The following MCM4 variants were observed in gnomAD, a reference collection of about 807,000 sequenced individuals.
MCM4 encodes the protein DNA replication licensing factor MCM4.
A neutral mutation model predicts 88.7 loss-of-function variants in MCM4; 60 were observed. That is an observed-to-expected ratio of 0.68 (90% CI 0.55 to 0.84). MCM4 has a LOEUF of 0.84. MCM4 is among the 40% of genes least tolerant of loss of function. MCM4 has a pLI of 0.00. For synonymous variants in MCM4, 465 were observed against 410.5 expected (o/e 1.13, Z -1.61); for missense variants, 1,149 against 1,105.5 (o/e 1.04, Z -0.56).
At chr8:47,976,434 G>C (rs563023551) in intron 16 of MCM4, among the ~76,000 whole-genome samples, 8 of 152,278 alleles carry the variant, frequency 5.3e-5, no homozygotes, top group African/African-American at 1.7e-4. Context: ...TTTCAGTGCT[G>C]GTCCACTTTC....
intron 14 of MCM4, among the ~76,000 whole-genome samples, 195 bp downstream of exon 14, chr8:47,973,259 C>T (rs2090972017): frequency 6.6e-6 from 1 of 152,130 alleles, no homozygotes; most frequent in Non-Finnish European, 1.5e-5. Flanking sequence ...CAGCCTGTGG[C>T]CTGTGCTTCT....
Position 47,970,074 on chromosome 8 carries a change from A to C in MCM4, c.1434+17A>C. The stretch of plus-strand genomic sequence containing the variant: ...ATAAAGAAGGTAACAGTGGATTTTA[A>C]ACTAGGGGTTGGGATTTACAATTCT... On this transcript the variant is annotated intron_variant, in intron 11 of 16. Transcript: ENST00000649973. 1 of 1,610,548 alleles carries C rather than the reference A, an allele frequency of 6.2e-7. No homozygotes were observed.
chr8:47,966,094 G>A, intron 8 of MCM4, 93 bp from the exon 9 acceptor site: 1 of 1,033,212 alleles, frequency 9.7e-7, no homozygotes, highest in Non-Finnish European at 1.5e-6. Flanking sequence ...CCTAGGCAGA[G>A]TCTTGGGCAC....
At position 47,961,615 on chromosome 8, in the gene MCM4, T is replaced by TGGAC. The variant is rs1589826733; in HGVS notation, c.171_174dup (p.Leu59GlyfsTer26). On this transcript the variant is annotated frameshift_variant, in exon 3 of 17. Transcript: ENST00000649973. LOFTEE classifies it high-confidence loss of function. ...CAGCCGATGCCAACCTCGCCTGGAG[T>TGGAC]GGACCTGCAGAGCCCTGCTGCGCAG... is the stretch of plus-strand genomic sequence containing the variant. 2 of 1,613,950 alleles carry TGGAC rather than the reference T, an allele frequency of 1.2e-6. No individual in the cohort carries two copies. Among genetic ancestry groups the TGGAC allele is most frequent in the Non-Finnish European group, 1.7e-6 (2 of 1,179,972 alleles).
At position 47,962,403 on chromosome 8, in the gene MCM4, T is replaced by C. The variant is rs773308903; in HGVS notation, c.498T>C (p.Phe166=). 4 of 1,614,046 alleles carry C rather than the reference T, an allele frequency of 2.5e-6. No individual in the cohort carries two copies. The highest frequency in any genetic ancestry group is 4.5e-5 in the East Asian group (2 of 44,900). The stretch of plus-strand genomic sequence containing the variant: ...ATGTGGCAGCATGCAAAGAAAACTT[T>C]CAGGTGAGCTACATGTATTAAAATT... ...DVNVAACKEN[F]QRFLQRFIDP... The change falls in exon 5 of 17, where the codon TTT becomes TTC. Residue 166 remains phenylalanine, a synonymous_variant. Coordinates refer to ENST00000649973, the MANE Select transcript of MCM4 (RefSeq NM_182746.3).
chr8:47,973,192 A>C, intron 14 of MCM4, 128 bp downstream of exon 14: 1 of 918,144 alleles, frequency 1.1e-6, no homozygotes, highest in Non-Finnish European at 1.6e-6. Context: ...TTGTTTTGAG[A>C]CAGAGCCTGG....
chr8:47,970,137 G>T, intron 11 of MCM4, 80 bp downstream of exon 11: 1 of 1,483,448 alleles, frequency 6.7e-7, no homozygotes, highest in East Asian at 2.3e-5. Context: ...TCCGCCACTC[G>T]AGCCATCCGC....
In MCM4 at chr8:47,969,822, G is replaced by A. The variant is rs758663521; in HGVS notation, c.1199G>A (p.Arg400Gln). ...GGCATCTATCGAGCTGTGCCTATTC[G>A]AGTCAATCCAAGAGTGAGTAATGTG... Reference protein sequence around the residue: ...VTGIYRAVPIRVNPRVSNVKS... With the variant: ...VTGIYRAVPIQVNPRVSNVKS... Residue 400 changes from arginine to glutamine, a missense_variant, in exon 11 of 17, where the codon CGA (arginine) becomes CAA (glutamine). This residue lies in a region of MCM4 where 906 missense variants were observed against 843.0 expected (regional missense o/e 1.07). Transcript: ENST00000649973. 229 of 1,614,116 alleles carry A rather than the reference G, an allele frequency of 1.4e-4. No individual in the cohort carries two copies. Among genetic ancestry groups the A allele is most frequent in the Non-Finnish European group, 1.8e-4 (210 of 1,180,046 alleles).
Position 47,962,345 on chromosome 8 carries a change from G to A in MCM4, c.440G>A (p.Gly147Asp), listed in dbSNP as rs886062976. 6.2e-7 allele frequency: 1 copy of A among 1,614,072 alleles called. No individual in the cohort carries two copies. The highest frequency in any genetic ancestry group is 1.3e-5 in the African/African-American group (1 of 74,916). Residue 147 changes from glycine to aspartate, a missense_variant, in exon 5 of 17, where the codon GGC (glycine) becomes GAC (aspartate). By Grantham distance (94) the Gly-to-Asp change is moderately conservative. Around this residue, in one of 3 missense-constraint regions of MCM4, gnomAD observed 906 missense variants for 843.0 expected, o/e 1.07. Coordinates refer to ENST00000649973, the MANE Select transcript of MCM4 (RefSeq NM_182746.3). ...ATAGTGGCAAGTGAGCAGTCTCTAG[G>A]CCAAAAACTTGTGATCTGGGGAACA... is the stretch of plus-strand genomic sequence containing the variant. ...EDIVASEQSLGQKLVIWGTDV... is the reference protein window; with the variant it reads ...EDIVASEQSLDQKLVIWGTDV...
chr8:47,968,671 G>T (rs1359904348), intron 10 of MCM4, among the ~76,000 whole-genome samples: 4 of 152,206 alleles, frequency 2.6e-5, no homozygotes, highest in Non-Finnish European at 5.9e-5. Flanking sequence ...AAGAATGTGT[G>T]TAAACTGGTT....
chr8:47,970,703 C>G lies in MCM4; in HGVS notation c.1627C>G (p.Leu543Val), dbSNP rs749274125. Residue 543 changes from leucine to valine, a missense_variant, in exon 12 of 17, where the codon CTC becomes GTC. Coordinates refer to ENST00000649973, the MANE Select transcript of MCM4 (RefSeq NM_182746.3). ...TGGGAAGGGCTCCAGTGCAGTTGGC[C>G]TCACTGCGTACGTAATGAAAGACCC... Reference protein sequence around the residue: ...TSGKGSSAVGLTAYVMKDPET... With the variant: ...TSGKGSSAVGVTAYVMKDPET... 1.2e-6 allele frequency: 2 copies of G among 1,614,172 alleles called. No individual in the cohort carries two copies. The highest frequency in any genetic ancestry group is 2.2e-5 in the South Asian group (2 of 91,084).
chr8:47,962,613 A>G lies in MCM4; in HGVS notation c.502-151A>G, dbSNP rs543316606. Reference sequence around the variant, plus strand: ...AGCCTGACCAATATAGTGAGACTCCATCTCCAAATTAAATTTTAGAAAAGA... The same window carrying G: ...AGCCTGACCAATATAGTGAGACTCCGTCTCCAAATTAAATTTTAGAAAAGA... On this transcript the variant is annotated intron_variant, in intron 5 of 16. Coordinates refer to ENST00000649973, the MANE Select transcript of MCM4 (RefSeq NM_182746.3). 78 of 679,672 alleles carry G rather than the reference A, an allele frequency of 1.1e-4. No individual in the cohort carries two copies. The African/African-American group carries it at 1.3e-3, about 11-fold the overall frequency. 42.1% of individuals were successfully genotyped at this position (679,672 alleles called of 1,614,324 possible). A position where few individuals can be genotyped will look rare whatever the true frequency, so the allele number is the denominator to read the frequency against.
At chr8:47,972,770 TG>T in intron 13 of MCM4, 86 bp from the exon 14 acceptor site, 3 of 984,240 alleles carry the variant, frequency 3.0e-6, no homozygotes, top group South Asian at 1.5e-5. Flanking sequence ...TTGGCCAGGC[TG>T]GTCTCAAACT....
rs144675615 is a variant in MCM4, at chr8:47,969,984, G to A, written c.1361G>A (p.Arg454Lys). The A allele has an allele frequency of 2.4e-5, 39 of 1,614,098 alleles. No homozygotes were observed. The African/African-American group carries it at 4.1e-4, about 17-fold the overall frequency. ...GTGGAATTGCTTAAGGAACTTTCCA[G>A]GAAACCAGACATTTATGAGAGGCTT... ...KRVELLKELS[R>K]KPDIYERLAS... Residue 454 changes from arginine (R) to lysine (K), a missense_variant, in exon 11 of 17, where the codon AGG (arginine) becomes AAG (lysine). By Grantham distance (26) the Arg-to-Lys change is conservative. Coordinates refer to ENST00000649973, the MANE Select transcript of MCM4 (RefSeq NM_182746.3).
intron 14 of MCM4, among the ~76,000 whole-genome samples, chr8:47,973,403 T>C (rs2090973401): frequency 6.6e-6 from 1 of 152,234 alleles, no homozygotes; most frequent in Non-Finnish European, 1.5e-5. Flanking sequence ...CTTGAAATCC[T>C]GACCTCAAGT....
chr8:47,967,322 CCT>C, intron 9 of MCM4, 41 bp from the exon 10 acceptor site: 6 of 1,611,996 alleles, frequency 3.7e-6, no homozygotes, highest in Non-Finnish European at 5.1e-6. Flanking sequence ...GTCCCCCTGC[CCT>C]CTCTTTGTGG....
intron 11 of MCM4, 32 bp downstream of exon 11, chr8:47,970,089 T>A: frequency 6.2e-7 from 1 of 1,604,306 alleles, no homozygotes; most frequent in African/African-American, 1.3e-5. Context: ...GGGGTTGGGA[T>A]TTACAATTCT....
At position 47,976,842 on chromosome 8, in the gene MCM4, T is replaced by G; in HGVS notation, c.*64T>G. On this transcript the variant is annotated 3_prime_UTR_variant, in exon 17 of 17. Transcript: ENST00000649973. ...TGCTGCACGCCACATGGGTGTGGTC[T>G]GCATCTCAGTTGGCCGCCATCAGTG... 1 of 1,050,110 alleles carries G rather than the reference T, an allele frequency of 9.5e-7. No homozygotes were observed. Among genetic ancestry groups the G allele is most frequent in the Non-Finnish European group, 1.5e-6 (1 of 672,894 alleles). The allele number at this position is 1,050,110 out of a possible 1,614,324, so 65.0% of individuals were successfully genotyped here.
At chr8:47,970,116 T>A (rs973059823) in intron 11 of MCM4, 59 bp downstream of exon 11, 2 of 1,569,060 alleles carry the variant, frequency 1.3e-6, no homozygotes, top group African/African-American at 2.7e-5. Context: ...TCAAATAGTA[T>A]AAACATCCAC....
Sources: gnomAD v4.1 joint callset for allele counts (sites outside exome capture counted in the v4.1 genomes callset) on GRCh38, gnomAD v4.1.1 for gene constraint, gnomAD v4.1.1 regional missense constraint, MANE v1.5 for transcripts, NCBI Gene and HGNC (gene_info 2026-07-23, HGNC 2026-07-21) for gene names.